The following ACKR4 variants were observed in gnomAD, a reference collection of about 807,000 sequenced individuals.
ACKR4 encodes C-C CKR-11.
Under a neutral mutation model 8.5 loss-of-function variants are expected in ACKR4, and 2 were observed. That is an observed-to-expected ratio of 0.23 (90% confidence interval 0.10 to 0.74). The LOEUF (loss-of-function observed/expected upper bound fraction) is 0.74. Ranked by LOEUF, ACKR4 falls within the 30% of genes least tolerant of loss-of-function variation. The probability of loss-of-function intolerance (pLI) is 0.75; values close to 1 mark genes in which losing one functional copy is unlikely to be tolerated. For missense variants in ACKR4, 167 were observed against 422.1 expected, an observed-to-expected ratio of 0.40 and a Z score of 5.30; for synonymous variants, 67 against 145.0, an observed-to-expected ratio of 0.46 and a Z score of 3.86.
Position 132,601,945 on chromosome 3 carries a change from A to G in ACKR4, c.*495A>G. The G allele has an allele frequency of 6.1e-6, 1 of 163,706 alleles. No homozygotes were observed. Among genetic ancestry groups the G allele is most frequent in the Admixed American group, 6.0e-5 (1 of 16,618 alleles). 10.1% of individuals were successfully genotyped at this position (163,706 alleles called of 1,614,324 possible). A position where few individuals can be genotyped will look rare whatever the true frequency, so the allele number is the denominator to read the frequency against. ...TTCCTGTGAATTTATAATAATTTCA[A>G]AATAAAACAAGTTAAAAAAAAACCC... On this transcript the variant is annotated 3_prime_UTR_variant, in exon 2 of 2. Transcript: ENST00000249887.
chr3:132,598,800 A>T (rs181274650), intron 1 of ACKR4, among the ~76,000 whole-genome samples: 24 of 152,338 alleles, frequency 1.6e-4, no homozygotes, highest in Non-Finnish European at 3.2e-4. Context: ...GAGAGGTGGC[A>T]GGAGCCATGG....
chr3:132,600,146 T>C (rs1025192148), intron 1 of ACKR4, among the ~76,000 whole-genome samples: 5 of 152,232 alleles, frequency 3.3e-5, no homozygotes, highest in Non-Finnish European at 5.9e-5. Context: ...ATTATGTTTA[T>C]TGTCCTGTTC....
At position 132,601,695 on chromosome 3, in the gene ACKR4, ACT is replaced by A. The variant is rs1938609288; in HGVS notation, c.*248_*249del. 1.7e-5 allele frequency: 8 copies of A among 459,842 alleles called. No individual in the cohort carries two copies. Among genetic ancestry groups the A allele is most frequent in the South Asian group, 1.5e-4 (7 of 46,464 alleles). The allele number at this position is 459,842 out of a possible 1,614,324, so 28.5% of individuals were successfully genotyped here. A position where few individuals can be genotyped will look rare whatever the true frequency, so the allele number is the denominator to read the frequency against. ...ATTGTAACAGGCATAAGTGAATAAC[ACT>A]CTGCTGTAACGAAGAAGAGCTTTGT... On this transcript the variant is annotated 3_prime_UTR_variant, in exon 2 of 2. Coordinates refer to ENST00000249887, the MANE Select transcript of ACKR4 (RefSeq NM_016557.4).
chr3:132,599,810 G>A (rs1306730270), intron 1 of ACKR4, among the ~76,000 whole-genome samples: 1 of 152,016 alleles, frequency 6.6e-6, no homozygotes, highest in African/African-American at 2.4e-5. Context: ...TTGGCTAAAG[G>A]AGATCTTGTT....
rs1184262742 is a variant in ACKR4 at position 132,602,446 on chromosome 3, A to G, written c.*996A>G. On this transcript the variant is annotated 3_prime_UTR_variant, in exon 2 of 2. Coordinates refer to ENST00000249887, the MANE Select transcript of ACKR4 (RefSeq NM_016557.4). ...TACCACTGCCGATTGACTAAAAAAT[A>G]CATTATCCCATGCATAAAATGTCCT... 3.3e-5 allele frequency among the ~76,000 whole-genome samples: 5 copies of G among 152,198 alleles called. No homozygotes were observed. The highest frequency in any genetic ancestry group is 7.4e-5 in the Non-Finnish European group (5 of 68,022).
chr3:132,600,362 CT>C, intron 1 of ACKR4, 26 bp from the exon 2 acceptor site: 1 of 1,507,704 alleles, frequency 6.6e-7, no homozygotes, highest in Non-Finnish European at 8.9e-7. Context: ...AGACAAATAT[CT>C]ATCCTGTATT....
At chr3:132,597,441 A>T (rs376100309) in intron 1 of ACKR4, 118 bp downstream of exon 1, 8 of 119,346 alleles carry the variant, frequency 6.7e-5, no homozygotes, top group African/African-American at 2.3e-4. Flanking sequence ...GCTTACTTGT[A>T]AAAAAAAAAA....
rs1448150005 is a variant in ACKR4 at position 132,602,633 on chromosome 3, A to T, written c.*1183A>T. On this transcript the variant is annotated 3_prime_UTR_variant, in exon 2 of 2. Coordinates refer to ENST00000249887, the MANE Select transcript of ACKR4 (RefSeq NM_016557.4). ...AAAATTAAATTTTGCTAGCAATTAC[A>T]TTGGTCAAAAATAGTATGCACTAAT... is the stretch of plus-strand genomic sequence containing the variant. Among the ~76,000 whole-genome samples the T allele has an allele frequency of 6.6e-6, 1 of 152,206 alleles. No homozygotes were observed. Among genetic ancestry groups the T allele is most frequent in the African/African-American group, 2.4e-5 (1 of 41,460 alleles).
chr3:132,598,517 C>T (rs1938414996), intron 1 of ACKR4, among the ~76,000 whole-genome samples: 1 of 152,164 alleles, frequency 6.6e-6, no homozygotes, highest in Admixed American at 6.5e-5. Context: ...CCTAGAGGAA[C>T]AAGGTAGTAT....
intron 1 of ACKR4, 32 bp from the exon 2 acceptor site, chr3:132,600,357 A>T: frequency 6.7e-7 from 1 of 1,494,714 alleles, no homozygotes. Flanking sequence ...TATTTAGACA[A>T]ATATCTATCC....
Position 132,600,504 on chromosome 3 carries a change from T to A in ACKR4, c.107T>A (p.Val36Asp), listed in dbSNP as rs1938523900. 6.2e-7 allele frequency: 1 copy of A among 1,613,812 alleles called. No individual in the cohort carries two copies. The highest frequency in any genetic ancestry group is 1.7e-5 in the Admixed American group (1 of 59,998). Reference protein sequence around the residue: ...QYELICIKEDVREFAKVFLPV... With the variant: ...QYELICIKEDDREFAKVFLPV... The stretch of plus-strand genomic sequence containing the variant: ...GAACTGATCTGTATCAAAGAAGATG[T>A]CAGAGAATTTGCAAAAGTTTTCCTC... The change falls in exon 2 of 2, where the codon GTC becomes GAC. Residue 36 changes from valine (V) to aspartate (D), a missense_variant. Val to Asp is a radical substitution (Grantham distance 152). This residue lies in a region of ACKR4 where 149 missense variants were observed against 281.9 expected (regional missense o/e 0.53). Transcript: ENST00000249887.
At position 132,599,236 on chromosome 3, in the gene ACKR4, G is replaced by A. The variant is rs148138463; in HGVS notation, c.-9-1153G>A. 2.0e-3 allele frequency among the ~76,000 whole-genome samples: 311 copies of A among 152,200 alleles called. 3 individuals carry two copies. The highest frequency in any genetic ancestry group is 7.2e-3 in the African/African-American group (297 of 41,530). On this transcript the variant is annotated intron_variant, in intron 1 of 1. Transcript: ENST00000249887. ...TAAAATTTAAAAATAGGCTGGGCTC[G>A]GTGGCTCACGCCTGTAATCCCAGCA...
At chr3:132,599,392 A>C (rs1467722732) in intron 1 of ACKR4, among the ~76,000 whole-genome samples, 2 of 152,030 alleles carry the variant, frequency 1.3e-5, no homozygotes, top group Non-Finnish European at 2.9e-5. Flanking sequence ...CTGTAATCCC[A>C]GCTACTTGGG....
chr3:132,602,203 C>G lies in ACKR4; in HGVS notation c.*753C>G, dbSNP rs1055834333. 1 of 164,952 alleles carries G rather than the reference C, an allele frequency of 6.1e-6. No individual in the cohort carries two copies. The highest frequency in any genetic ancestry group is 2.4e-5 in the African/African-American group (1 of 40,906). 10.2% of individuals were successfully genotyped at this position (164,952 alleles called of 1,614,324 possible). A position where few individuals can be genotyped will look rare whatever the true frequency, so the allele number is the denominator to read the frequency against. The stretch of plus-strand genomic sequence containing the variant: ...CTCCAAAAAAGCAATAAAAAAAAAA[C>G]AAACTATAATAAGCTTTTCTGATTC... On this transcript the variant is annotated 3_prime_UTR_variant, in exon 2 of 2. Coordinates refer to ENST00000249887, the MANE Select transcript of ACKR4 (RefSeq NM_016557.4).
chr3:132,600,546 T>C lies in ACKR4; in HGVS notation c.149T>C (p.Ile50Thr), dbSNP rs773115352. Residue 50 changes from isoleucine (I) to threonine (T), a missense_variant, in exon 2 of 2, where the codon ATA (isoleucine) becomes ACA (threonine). Ile to Thr is a moderately conservative substitution (Grantham distance 89). Around this residue, in one of 2 missense-constraint regions of ACKR4, gnomAD observed 149 missense variants for 281.9 expected, o/e 0.53. Coordinates refer to ENST00000249887, the MANE Select transcript of ACKR4 (RefSeq NM_016557.4). Reference sequence around the variant, plus strand: ...GTTTTCCTCCCTGTATTCCTCACAATAGTTTTCGTCATTGGACTTGCAGGC... The same window carrying C: ...GTTTTCCTCCCTGTATTCCTCACAACAGTTTTCGTCATTGGACTTGCAGGC... ...AKVFLPVFLTIVFVIGLAGNS... is the reference protein window; with the variant it reads ...AKVFLPVFLTTVFVIGLAGNS... The C allele has an allele frequency of 3.7e-6, 6 of 1,613,974 alleles. No homozygotes were observed. Among genetic ancestry groups the C allele is most frequent in the Non-Finnish European group, 5.1e-6 (6 of 1,179,854 alleles).
At chr3:132,597,818 T>C (rs988116306) in intron 1 of ACKR4, among the ~76,000 whole-genome samples, 2 of 152,138 alleles carry the variant, frequency 1.3e-5, no homozygotes, top group Non-Finnish European at 2.9e-5. Context: ...GGTTCAAGAT[T>C]TTCTGATGAA....
chr3:132,600,330 C>T, intron 1 of ACKR4, 59 bp from the exon 2 acceptor site: 2 of 1,384,674 alleles, frequency 1.4e-6, no homozygotes, highest in Non-Finnish European at 9.7e-7. Flanking sequence ...TTGATAAAAA[C>T]TGTTTCCTTT....
intron 1 of ACKR4, among the ~76,000 whole-genome samples, chr3:132,599,438 C>T (rs1223713400): frequency 4.0e-5 from 6 of 151,460 alleles, no homozygotes; most frequent in Admixed American, 1.3e-4. Flanking sequence ...ACCCGGGAGG[C>T]GGAGGTTGCA....
Position 132,600,240 on chromosome 3 carries a change from A to G in ACKR4, c.-9-149A>G, listed in dbSNP as rs1361691016. On this transcript the variant is annotated intron_variant, in intron 1 of 1. Coordinates refer to ENST00000249887, the MANE Select transcript of ACKR4 (RefSeq NM_016557.4). ...GTCATATTCCAATGTGGCTCCCATT[A>G]AAGCATTTCAAAGAGTGCTAGATTC... 4 of 661,598 alleles carry G rather than the reference A, an allele frequency of 6.0e-6. No individual in the cohort carries two copies. In the African/African-American group the frequency reaches 7.3e-5, roughly 12 times the overall value. The allele number at this position is 661,598 out of a possible 1,614,324, so 41.0% of individuals were successfully genotyped here.
Sources: gnomAD v4.1 joint callset for allele counts (sites outside exome capture counted in the v4.1 genomes callset) on GRCh38, gnomAD v4.1.1 for gene constraint, gnomAD v4.1.1 regional missense constraint, MANE v1.5 for transcripts, NCBI Gene and HGNC (gene_info 2026-07-23, HGNC 2026-07-21) for gene names.